The following DGKZ variants were observed in gnomAD, a reference collection of about 807,000 sequenced individuals.
DGKZ encodes the protein DAG kinase zeta.
A neutral mutation model predicts 142.5 loss-of-function variants in DGKZ; 45 were observed. The observed-to-expected ratio is 0.32, with a 90% confidence interval of 0.25 to 0.40. DGKZ has a LOEUF of 0.40. Among genes scored for constraint, DGKZ ranks in the 10% least tolerant of loss-of-function variants. The probability of loss-of-function intolerance (pLI) is 1.00; values close to 1 mark genes in which losing one functional copy is unlikely to be tolerated. For synonymous variants in DGKZ, 442 were observed against 527.0 expected (o/e 0.84, Z 2.21); for missense variants, 755 against 1,306.5 (o/e 0.58, Z 6.51).
At chr11:46,366,032 TGA>T in intron 1 of DGKZ, 4 of 985,376 alleles carry the variant, frequency 4.1e-6, no homozygotes, top group Non-Finnish European at 4.8e-6. Flanking sequence ...TGGGCTCCCC[TGA>T]GCACCCCTGG....
chr11:46,358,158 T>C (rs1004379202), intron 1 of DGKZ, among the ~76,000 whole-genome samples: 2 of 152,110 alleles, frequency 1.3e-5, no homozygotes, highest in Non-Finnish European at 2.9e-5. Flanking sequence ...ACAAAAGCAG[T>C]GGTGGGTAAA....
chr11:46,352,360 A>G (rs925749419), intron 1 of DGKZ, among the ~76,000 whole-genome samples: 2 of 152,204 alleles, frequency 1.3e-5, no homozygotes, highest in African/African-American at 4.8e-5. Flanking sequence ...TCCTTCCGCC[A>G]GTCCACAGGC....
At chr11:46,361,181 G>A (rs1392741389) in intron 1 of DGKZ, among the ~76,000 whole-genome samples, 2 of 152,220 alleles carry the variant, frequency 1.3e-5, no homozygotes, top group East Asian at 3.8e-4. Flanking sequence ...GAGCCGGTGT[G>A]ATTAGCTTCC....
rs1321541963 is a variant in DGKZ at position 46,372,854 on chromosome 11, C to T, written c.1155C>T (p.Asn385=). The T allele has an allele frequency of 2.5e-6, 4 of 1,593,928 alleles. No homozygotes were observed. The highest frequency in any genetic ancestry group is 2.3e-5 in the East Asian group (1 of 43,682). Residue 385 remains asparagine (N), a synonymous_variant, in exon 13 of 31, where the codon AAC becomes AAT. Coordinates refer to ENST00000527911, the Ensembl canonical transcript of DGKZ. The surrounding 1 kb of genome is among the most constrained non-coding windows in gnomAD (Gnocchi z 5.9). ...CCATCCTGCCCCTGGGTACTGGCAA[C>T]GACTTGGCCCGAACCCTCAACTGGG... is the stretch of plus-strand genomic sequence containing the variant.
At chr11:46,361,605 C>G in intron 1 of DGKZ, 1 of 985,586 alleles carries the variant, frequency 1.0e-6, no homozygotes, top group Non-Finnish European at 1.2e-6. Flanking sequence ...TGCTAGCTCT[C>G]CAAACTAGGA....
chr11:46,370,807 G>A (rs914274222), intron 6 of DGKZ, among the ~76,000 whole-genome samples: 2 of 152,160 alleles, frequency 1.3e-5, no homozygotes, highest in Non-Finnish European at 2.9e-5. Flanking sequence ...GTTCAGACTG[G>A]GTGTGGTGGC....
chr11:46,348,205 T>G (rs1299856990), intron 1 of DGKZ, among the ~76,000 whole-genome samples: 2 of 152,174 alleles, frequency 1.3e-5, no homozygotes, highest in African/African-American at 4.8e-5. Flanking sequence ...TTCTTGGCAC[T>G]GATAGAACAG....
Position 46,347,774 on chromosome 11 carries a change from C to G in DGKZ, c.115C>G (p.Arg39Gly), listed in dbSNP as rs1208002242. 1.0e-5 allele frequency: 14 copies of G among 1,406,448 alleles called. No individual in the cohort carries two copies. Among genetic ancestry groups the G allele is most frequent in the African/African-American group, 1.5e-5 (1 of 66,044 alleles). 87.1% of individuals were successfully genotyped at this position (1,406,448 alleles called of 1,614,324 possible). The change falls in exon 1 of 31, where the codon CGA becomes GGA. Residue 39 changes from arginine (R) to glycine (G), a missense_variant. By Grantham distance (125) the Arg-to-Gly change is moderately radical. Coordinates refer to ENST00000527911, the Ensembl canonical transcript of DGKZ. This position sits in a 1 kb window ranked among gnomAD's most constrained non-coding sequence, Gnocchi z 6.4. Reference sequence around the variant, plus strand: ...TCCCGAGCCGGACAAGGCGCCGCGGCGACTCAACAAGCGGCGCTTCCCGGG... The same window carrying G: ...TCCCGAGCCGGACAAGGCGCCGCGGGGACTCAACAAGCGGCGCTTCCCGGG...
intron 1 of DGKZ, among the ~76,000 whole-genome samples, chr11:46,356,300 G>A (rs960254150): frequency 6.6e-6 from 1 of 152,196 alleles, no homozygotes; most frequent in African/African-American, 2.4e-5. Context: ...TCCACCCAGT[G>A]CAGCAGGAAG....
At chr11:46,335,899 T>C (rs567361121) in intron 1 of DGKZ, among the ~76,000 whole-genome samples, 1 of 152,214 alleles carries the variant, frequency 6.6e-6, no homozygotes, top group Non-Finnish European at 1.5e-5. Flanking sequence ...GCAGGGGGAC[T>C]GGGGGACCGG....
At chr11:46,335,242 A>C (rs2136372915) in intron 1 of DGKZ, among the ~76,000 whole-genome samples, 1 of 151,986 alleles carries the variant, frequency 6.6e-6, no homozygotes, top group African/African-American at 2.4e-5. Flanking sequence ...TGAACCTGGG[A>C]GGCAGAGGTT....
upstream of DGKZ, chr11:46,345,212 C>T: frequency 7.8e-7 from 1 of 1,289,174 alleles, no homozygotes; most frequent in South Asian, 2.3e-5. The surrounding 1 kb of genome is among the most constrained non-coding windows in gnomAD (Gnocchi z 4.1). Flanking sequence ...CTCCTGGCTG[C>T]TGGTCTGGGC....
intron 1 of DGKZ, chr11:46,366,752 C>G (rs760886869): frequency 6.4e-7 from 1 of 1,550,964 alleles, no homozygotes; most frequent in Non-Finnish European, 8.7e-7. Context: ...CTCCTCCCAC[C>G]TGCTCCCCGC....
chr11:46,347,587 C>T lies in DGKZ; in HGVS notation c.-73C>T, dbSNP rs1322447696. 6.8e-5 allele frequency: 77 copies of T among 1,138,152 alleles called. No homozygotes were observed. The South Asian group carries it at 1.0e-3, about 15-fold the overall frequency. 70.5% of individuals were successfully genotyped at this position (1,138,152 alleles called of 1,614,324 possible). ...GAGGTGGCGGGCGGCGCGGAGCGGG[C>T]GTGCTGAGCCCCGGCCGCCGGCCCG... On this transcript the variant is annotated 5_prime_UTR_variant, in exon 1 of 31. Coordinates refer to ENST00000527911, the Ensembl canonical transcript of DGKZ. This position sits in a 1 kb window ranked among gnomAD's most constrained non-coding sequence, Gnocchi z 6.4.
intron 1 of DGKZ, chr11:46,333,564 T>G: frequency 4.5e-6 from 6 of 1,329,636 alleles, no homozygotes; most frequent in Non-Finnish European, 6.2e-6. Context: ...CAAACGTTTA[T>G]TGTGCGCCCG....
At chr11:46,373,018 G>A (rs1944129639) in exon 14 of DGKZ, 2 of 1,541,726 alleles carry the variant, frequency 1.3e-6, no homozygotes, top group African/African-American at 2.8e-5. Flanking sequence ...GGGGAACGTG[G>A]TACAGCTGGA....
At chr11:46,373,426 A>G (rs1217493386) in intron 14 of DGKZ, among the ~76,000 whole-genome samples, 2 of 147,936 alleles carry the variant, frequency 1.4e-5, no homozygotes, top group Non-Finnish European at 3.0e-5. Flanking sequence ...AGCTGGGATT[A>G]TAGGCAGGTG....
At chr11:46,358,203 C>A (rs1942258144) in intron 1 of DGKZ, among the ~76,000 whole-genome samples, 1 of 152,126 alleles carries the variant, frequency 6.6e-6, no homozygotes, top group Non-Finnish European at 1.5e-5. Context: ...TAGGCAGGGG[C>A]CCCAACATCA....
chr11:46,334,901 A>G (rs965283238), intron 1 of DGKZ, among the ~76,000 whole-genome samples: 7 of 152,170 alleles, frequency 4.6e-5, no homozygotes, highest in African/African-American at 1.4e-4. Context: ...TCTACTCTCA[A>G]TTCTGCCAGA....
Sources: gnomAD v4.1 joint callset for allele counts (sites outside exome capture counted in the v4.1 genomes callset) on GRCh38, gnomAD v4.1.1 for gene constraint, Gnocchi (gnomAD v3.1) non-coding constraint, MANE v1.5 for transcripts, NCBI Gene and HGNC (gene_info 2026-07-23, HGNC 2026-07-21) for gene names.